PRKCE: variants seen among roughly 807,000 people sequenced by gnomAD.
PRKCE encodes protein kinase C epsilon type.
In PRKCE, 16 loss-of-function variants were observed where a neutral mutation model predicts 85.4. The observed-to-expected ratio is 0.19, with a 90% CI of 0.13 to 0.28. The LOEUF is 0.28. PRKCE is among the 10% of genes least tolerant of loss of function. PRKCE has a pLI of 1.00. For missense variants in PRKCE, 573 were observed against 975.2 expected (o/e 0.59, Z 5.49); for synonymous variants, 388 against 371.5 (o/e 1.04, Z -0.51).
chr2:45,967,086 A>G (rs1243301829), intron 2 of PRKCE, among the ~76,000 whole-genome samples: 1 of 152,170 alleles, frequency 6.6e-6, no homozygotes, highest in African/African-American at 2.4e-5. Flanking sequence ...ATGTTTAACA[A>G]CAACCTCCCC....
At chr2:45,791,519 A>G (rs1687029729) in intron 1 of PRKCE, among the ~76,000 whole-genome samples, 1 of 152,188 alleles carries the variant, frequency 6.6e-6, no homozygotes, top group South Asian at 2.1e-4. Flanking sequence ...CTTTCCTTCC[A>G]TATCCTCTTT....
At position 46,185,552 on chromosome 2, in the gene PRKCE, A is replaced by G. The variant is rs1574701486; in HGVS notation, c.*671A>G. The G allele has an allele frequency of 6.5e-6, 1 of 152,846 alleles. No individual in the cohort carries two copies. Among genetic ancestry groups the G allele is most frequent in the East Asian group, 1.9e-4 (1 of 5,194 alleles). The allele number at this position is 152,846 out of a possible 1,614,324, so 9.5% of individuals were successfully genotyped here. On this transcript the variant is annotated 3_prime_UTR_variant, in exon 15 of 15. Transcript: ENST00000306156. The surrounding 1 kb of genome is among the most constrained non-coding windows in gnomAD (Gnocchi z 4.7). ...AGAAATCCTCTTTGTGGAAAAAGAA[A>G]CAGGGTTTTGAACTCTGTTAACATT...
intron 2 of PRKCE, among the ~76,000 whole-genome samples, chr2:45,974,123 G>GT (rs1311352404): frequency 5.3e-5 from 8 of 152,160 alleles, no homozygotes; most frequent in Admixed American, 4.6e-4. Flanking sequence ...AATAGATTTG[G>GT]TTTTTGGTTG....
At chr2:45,889,135 A>C (rs1346041078) in intron 2 of PRKCE, among the ~76,000 whole-genome samples, 1 of 152,236 alleles carries the variant, frequency 6.6e-6, no homozygotes, top group Non-Finnish European at 1.5e-5. Flanking sequence ...TAGCTTAAGA[A>C]AAATAGGGGC....
At position 45,946,845 on chromosome 2, in the gene PRKCE, G is replaced by A. The variant is rs559057966; in HGVS notation, c.413-29584G>A. On this transcript the variant is annotated intron_variant, in intron 2 of 14. Transcript: ENST00000306156. ...CAGTGCAAGCCTTAGCTATCACTCCGCCTTAGAGGGGTCAACTCCTATTAA... is the reference window on the plus strand; with the variant it reads ...CAGTGCAAGCCTTAGCTATCACTCCACCTTAGAGGGGTCAACTCCTATTAA... 1.6e-4 allele frequency among the ~76,000 whole-genome samples: 24 copies of A among 152,348 alleles called. No homozygotes were observed. In the Middle Eastern group the frequency reaches 0.014, roughly 87 times the overall value.
Position 45,921,067 on chromosome 2 carries a change from G to C in PRKCE, c.413-55362G>C, listed in dbSNP as rs189752129. Among the ~76,000 whole-genome samples the C allele has an allele frequency of 9.8e-4, 150 of 152,346 alleles. 1 individual carries two copies. Among genetic ancestry groups the C allele is most frequent in the Admixed American group, 2.7e-3 (42 of 15,302 alleles). On this transcript the variant is annotated intron_variant, in intron 2 of 14. Transcript: ENST00000306156. ...TGAGGACTCAAGGAAGTCTGGAAAT[G>C]TCCCCTGCCCTAAAATGTTTATGAA...
At chr2:46,074,064 A>C (rs1002227539) in intron 10 of PRKCE, 2 of 152,092 alleles carry the variant, frequency 1.3e-5, no homozygotes, top group Non-Finnish European at 2.9e-5. Flanking sequence ...TTTCCATCTA[A>C]GCAGGTTATG....
At chr2:46,090,826 A>C (rs1670099531) in intron 11 of PRKCE, among the ~76,000 whole-genome samples, 1 of 152,166 alleles carries the variant, frequency 6.6e-6, no homozygotes, top group Non-Finnish European at 1.5e-5. Flanking sequence ...GCTTCTGGCC[A>C]TTCTGATCCA....
chr2:46,039,270 C>T (rs1208487772), intron 10 of PRKCE, among the ~76,000 whole-genome samples: 1 of 152,182 alleles, frequency 6.6e-6, no homozygotes, highest in African/African-American at 2.4e-5. Context: ...CCATCTCTTG[C>T]TCACCTGCTT....
intron 1 of PRKCE, among the ~76,000 whole-genome samples, chr2:45,809,541 A>G (rs886760472): frequency 3.3e-5 from 5 of 152,174 alleles, no homozygotes; most frequent in Non-Finnish European, 7.3e-5. Flanking sequence ...AAAGCCTCCA[A>G]TAATAGCGAC....
chr2:45,801,023 T>A (rs1044363206), intron 1 of PRKCE, among the ~76,000 whole-genome samples: 1 of 151,422 alleles, frequency 6.6e-6, no homozygotes, highest in African/African-American at 2.4e-5. Flanking sequence ...TAAGAATTAG[T>A]GGGGGGAAGG....
rs1455696260 is a variant in PRKCE at position 45,768,616 on chromosome 2, G to T, written c.349-74384G>T. On this transcript the variant is annotated intron_variant, in intron 1 of 14. Coordinates refer to ENST00000306156, the MANE Select transcript of PRKCE (RefSeq NM_005400.3). ...AGGTGCTCTTTTCCTTCTCACCTGA[G>T]CCCTACCTGAACAATGGGCCAGACA... 2.0e-5 allele frequency among the ~76,000 whole-genome samples: 3 copies of T among 152,174 alleles called. No individual in the cohort carries two copies. In the South Asian group the frequency reaches 6.2e-4, roughly 32 times the overall value.
At chr2:46,164,065 C>T (rs1186773042) in intron 14 of PRKCE, among the ~76,000 whole-genome samples, 1 of 152,196 alleles carries the variant, frequency 6.6e-6, no homozygotes, top group East Asian at 1.9e-4. Context: ...CTTAAGGTAT[C>T]AAATAACTTG....
intron 1 of PRKCE, among the ~76,000 whole-genome samples, chr2:45,794,926 C>T (rs1272768903): frequency 6.9e-6 from 1 of 145,622 alleles, no homozygotes; most frequent in East Asian, 2.1e-4. Flanking sequence ...GTCAAGATCA[C>T]AGAGCTAATG....
intron 2 of PRKCE, among the ~76,000 whole-genome samples, chr2:45,968,720 C>T (rs552674761): frequency 6.6e-6 from 1 of 152,170 alleles, no homozygotes; most frequent in South Asian, 2.1e-4. Flanking sequence ...GTGCCCCTGA[C>T]CCCACATGAG....
intron 2 of PRKCE, among the ~76,000 whole-genome samples, chr2:45,921,305 G>A (rs1391745092): frequency 6.6e-6 from 1 of 152,220 alleles, no homozygotes; most frequent in Non-Finnish European, 1.5e-5. Flanking sequence ...TAGCCTTTGA[G>A]GGAGATGGTG....
intron 10 of PRKCE, among the ~76,000 whole-genome samples, chr2:46,084,930 C>T (rs886701868): frequency 6.6e-6 from 1 of 152,098 alleles, no homozygotes; most frequent in African/African-American, 2.4e-5. Context: ...CCTCCATGGC[C>T]TCCCAAGTCA....
chr2:45,904,213 G>C (rs1174987468), intron 2 of PRKCE, among the ~76,000 whole-genome samples: 2 of 152,188 alleles, frequency 1.3e-5, no homozygotes, highest in East Asian at 3.9e-4. Flanking sequence ...TACTAAAAAA[G>C]CTTTTCAGCT....
intron 12 of PRKCE, among the ~76,000 whole-genome samples, chr2:46,150,003 C>T (rs574542902): frequency 3.3e-4 from 50 of 152,010 alleles, no homozygotes; most frequent in African/African-American, 1.1e-3. Flanking sequence ...ACTACAGACA[C>T]GTACCACCAT....
Sources: gnomAD v4.1 joint callset for allele counts (sites outside exome capture counted in the v4.1 genomes callset) on GRCh38, gnomAD v4.1.1 for gene constraint, Gnocchi (gnomAD v3.1) non-coding constraint, MANE v1.5 for transcripts, NCBI Gene and HGNC (gene_info 2026-07-23, HGNC 2026-07-21) for gene names.